The following PARD6G variants were observed in gnomAD, a reference collection of about 807,000 sequenced individuals.
PARD6G encodes the protein par-6 family cell polarity regulator gamma, also known as partitioning defective 6 homolog gamma.
Under a neutral mutation model 10.7 loss-of-function variants are expected in PARD6G, and 7 were observed. The ratio of observed to expected loss-of-function variants is 0.66; its 90% CI spans 0.37 to 1.23. The LOEUF is 1.23. Among genes scored for constraint, PARD6G ranks in the 50% most tolerant of loss-of-function variants. The pLI is 0.02. For missense variants in PARD6G, 548 were observed against 571.8 expected, an observed-to-expected ratio of 0.96 and a Z score of 0.42; for synonymous variants, 287 against 269.4, an observed-to-expected ratio of 1.07 and a Z score of -0.64.
At chr18:80,165,199 G>A (rs950181424) in intron 2 of PARD6G, among the ~76,000 whole-genome samples, 11 of 152,132 alleles carry the variant, frequency 7.2e-5, no homozygotes, top group African/African-American at 2.4e-4. Context: ...AATCACATAA[G>A]ACAGACATTC....
chr18:80,202,437 ACT>A (rs1258815635), intron 2 of PARD6G, among the ~76,000 whole-genome samples: 4 of 152,132 alleles, frequency 2.6e-5, no homozygotes, highest in Admixed American at 1.3e-4. Context: ...CCTCCTTATC[ACT>A]GAGTCATTTC....
chr18:80,224,795 C>T (rs936550639), intron 1 of PARD6G, among the ~76,000 whole-genome samples: 11 of 151,772 alleles, frequency 7.2e-5, no homozygotes, highest in African/African-American at 1.2e-4. Flanking sequence ...TGCAGTGAGC[C>T]GAGATCGCGC....
intron 1 of PARD6G, among the ~76,000 whole-genome samples, chr18:80,222,424 C>A (rs967734636): frequency 6.6e-6 from 1 of 152,136 alleles, no homozygotes; most frequent in African/African-American, 2.4e-5. Context: ...CAATACTCCC[C>A]AAATTGATCT....
intron 2 of PARD6G, among the ~76,000 whole-genome samples, chr18:80,173,517 C>T (rs569254122): frequency 4.6e-5 from 7 of 151,988 alleles, no homozygotes; most frequent in Non-Finnish European, 1.0e-4. Context: ...CCCAGCTACT[C>T]GGGAGGCTGA....
chr18:80,202,953 TG>T lies in PARD6G; in HGVS notation c.73-22del, dbSNP rs768429502. 4.8e-4 allele frequency: 103 copies of T among 216,466 alleles called. 5 individuals are homozygous for T. Among genetic ancestry groups the T allele is most frequent in the East Asian group, 3.2e-3 (20 of 6,314 alleles). 13.4% of individuals were successfully genotyped at this position (216,466 alleles called of 1,614,324 possible). On this transcript the variant is annotated intron_variant, in intron 1 of 2. Transcript: ENST00000353265. ...CCAAACTACAATGCAAGAGACGGGG[TG>T]GGGGGAGGGGCATTAATAAATACCA...
chr18:80,227,375 T>G (rs562717217), intron 1 of PARD6G, among the ~76,000 whole-genome samples: 1 of 152,190 alleles, frequency 6.6e-6, no homozygotes, highest in Admixed American at 6.5e-5. Context: ...ATGTCCCTTA[T>G]AGAGCAATGA....
intron 1 of PARD6G, among the ~76,000 whole-genome samples, chr18:80,225,212 AG>A (rs1244987227): frequency 1.3e-5 from 2 of 152,136 alleles, no homozygotes. Flanking sequence ...TCCTTTACAA[AG>A]GGTCCAAAAT....
At chr18:80,171,642 C>T (rs1052247916) in intron 2 of PARD6G, 13 of 152,306 alleles carry the variant, frequency 8.5e-5, no homozygotes, top group African/African-American at 2.9e-4. Flanking sequence ...CAATGCCTTC[C>T]TCTCCTCAGC....
chr18:80,216,761 C>T (rs1044848159), intron 1 of PARD6G, among the ~76,000 whole-genome samples: 2 of 151,792 alleles, frequency 1.3e-5, no homozygotes, highest in East Asian at 1.9e-4. Context: ...AAAATAATAG[C>T]GGTTAGGGTG....
chr18:80,160,343 G>A lies in PARD6G; in HGVS notation c.559C>T (p.Leu187=), dbSNP rs2052690270. ...GASVRVTPHG[L]EKVPGIFISR... ...ATGAAGATGCCGGGCACCTTCTCCA[G>A]CCCGTGCGGGGTCACGCGCACGCTG... Residue 187 remains leucine, a synonymous_variant, in exon 3 of 3, where the codon CTG becomes TTG. Transcript: ENST00000353265. 1.9e-6 allele frequency: 3 copies of A among 1,611,502 alleles called. No individual in the cohort carries two copies. Among genetic ancestry groups the A allele is most frequent in the Non-Finnish European group, 2.5e-6 (3 of 1,179,776 alleles).
intron 2 of PARD6G, among the ~76,000 whole-genome samples, chr18:80,198,120 C>T (rs1179062072): frequency 1.3e-5 from 2 of 152,160 alleles, no homozygotes; most frequent in African/African-American, 4.8e-5. Flanking sequence ...GCCATGTAGT[C>T]GTTGAGAGAA....
chr18:80,220,493 T>C (rs1568440620), intron 1 of PARD6G, among the ~76,000 whole-genome samples: 1 of 152,228 alleles, frequency 6.6e-6, no homozygotes. Flanking sequence ...CTTCAGTTAA[T>C]AGCAATATAT....
chr18:80,217,063 T>C (rs2145291203), intron 1 of PARD6G, among the ~76,000 whole-genome samples: 1 of 152,276 alleles, frequency 6.6e-6, no homozygotes, highest in East Asian at 1.9e-4. Flanking sequence ...TGATGTGCCT[T>C]GGGTATTTTA....
intron 1 of PARD6G, among the ~76,000 whole-genome samples, chr18:80,222,153 C>G (rs1249555125): frequency 6.6e-6 from 1 of 151,786 alleles, no homozygotes; most frequent in Non-Finnish European, 1.5e-5. Flanking sequence ...GGTGCAATCA[C>G]AGCTCACTGC....
intron 2 of PARD6G, among the ~76,000 whole-genome samples, chr18:80,195,681 T>C (rs540788877): frequency 2.0e-5 from 3 of 149,968 alleles, no homozygotes; most frequent in African/African-American, 4.9e-5. Flanking sequence ...AGTTCCAGAC[T>C]GGCCAAAATG....
chr18:80,217,392 G>A (rs557609084), intron 1 of PARD6G, among the ~76,000 whole-genome samples: 8 of 152,234 alleles, frequency 5.3e-5, no homozygotes, highest in African/African-American at 1.4e-4. Context: ...TAAGGCACAC[G>A]GAATGTGTTC....
At chr18:80,223,736 C>T (rs551273244) in intron 1 of PARD6G, among the ~76,000 whole-genome samples, 13 of 152,290 alleles carry the variant, frequency 8.5e-5, no homozygotes, top group Admixed American at 2.6e-4. Flanking sequence ...ATGACAACCC[C>T]GAGGACGGCA....
chr18:80,160,452 G>A lies in PARD6G; in HGVS notation c.450C>T (p.Asp150=), dbSNP rs979805634. 6 of 1,577,148 alleles carry A rather than the reference G, an allele frequency of 3.8e-6. No individual in the cohort carries two copies. In the East Asian group the frequency reaches 1.2e-4, roughly 30 times the overall value. ...FRPVSSIIDV[D]LVPETHRRVR... is the part of the protein sequence containing the mutation. ...CTCGCCGGTGCGTCTCGGGGACCAG[G>A]TCCACATCGATGATGGATGATACGG... The change falls in exon 3 of 3, where the codon GAC becomes GAT. Residue 150 remains aspartate, a synonymous_variant. Coordinates refer to ENST00000353265, the MANE Select transcript of PARD6G (RefSeq NM_032510.4).
intron 1 of PARD6G, among the ~76,000 whole-genome samples, chr18:80,205,759 C>A (rs989199422): frequency 1.3e-5 from 2 of 152,186 alleles, no homozygotes; most frequent in East Asian, 3.8e-4. Flanking sequence ...AGTCTCTTTT[C>A]TTTATAAACC....
Sources: allele counts gnomAD v4.1 joint callset (sites outside exome capture counted in the v4.1 genomes callset), GRCh38; gene constraint gnomAD v4.1.1; transcripts MANE v1.5; gene names NCBI Gene and HGNC (gene_info 2026-07-23, HGNC 2026-07-21).